Variants in DOCK9 observed in about 807,000 individuals in gnomAD.
DOCK9 encodes dedicator of cytokinesis protein 9.
Under a neutral mutation model 263.3 loss-of-function variants are expected in DOCK9, and 89 were observed. The observed-to-expected ratio is 0.34, with a 90% confidence interval of 0.28 to 0.40. The LOEUF (loss-of-function observed/expected upper bound fraction) is 0.40, where lower values mean the gene tolerates loss of function less well. Ranked by LOEUF, DOCK9 falls within the 10% of genes least tolerant of loss-of-function variation. DOCK9 has a pLI of 1.00. For synonymous variants in DOCK9, 976 were observed against 973.1 expected (o/e 1.00, Z -0.06); for missense variants, 2,140 against 2,603.4 (o/e 0.82, Z 3.87).
At position 98,966,603 on chromosome 13, in the gene DOCK9, A is replaced by C. The variant is rs188945955; in HGVS notation, c.127-11052T>G. Among the ~76,000 whole-genome samples the C allele has an allele frequency of 2.2e-3, 334 of 152,380 alleles. 1 individual carries two copies. The highest frequency in any genetic ancestry group is 7.5e-3 in the African/African-American group (314 of 41,596). On this transcript the variant is annotated intron_variant, in intron 1 of 52. Coordinates refer to ENST00000682017, the MANE Select transcript of DOCK9 (RefSeq NM_001366683.2). ...TTTGGAACTCTGAAATGAAGAGGGC[A>C]AGTAATGAAGCTAAAAGGCTCTAAA...
At position 98,794,199 on chromosome 13, in the gene DOCK9, C is replaced by T. The variant is rs1346657171; in HGVS notation, c.*427G>A. 2 of 158,620 alleles carry T rather than the reference C, an allele frequency of 1.3e-5. No homozygotes were observed. The highest frequency in any genetic ancestry group is 2.8e-5 in the Non-Finnish European group (2 of 72,542). 9.8% of individuals were successfully genotyped at this position (158,620 alleles called of 1,614,324 possible). ...TCTTGTATTCAACCTGAATGTGCCA[C>T]AGGAAAAAAAAAATATTTTCAAGAT... On this transcript the variant is annotated 3_prime_UTR_variant, in exon 53 of 53. Coordinates refer to ENST00000682017, the MANE Select transcript of DOCK9 (RefSeq NM_001366683.2).
Position 98,837,479 on chromosome 13 carries a change from C to G in DOCK9, c.4314+15G>C, listed in dbSNP as rs1193802637. The G allele has an allele frequency of 6.3e-7, 1 of 1,582,510 alleles. No homozygotes were observed. The highest frequency in any genetic ancestry group is 8.7e-7 in the Non-Finnish European group (1 of 1,152,402). On this transcript the variant is annotated intron_variant, in intron 39 of 52. Transcript: ENST00000682017. ...AAGGTAAAACTAGAACCACGAACAGCAAATTGATACAAACCTTAAACGCCA... is the reference window on the plus strand; with the variant it reads ...AAGGTAAAACTAGAACCACGAACAGGAAATTGATACAAACCTTAAACGCCA...
intron 33 of DOCK9, chr13:98,858,872 AG>A (rs1161895634): frequency 6.6e-6 from 1 of 152,196 alleles, no homozygotes; most frequent in Non-Finnish European, 1.5e-5. Flanking sequence ...ATTGGAGAAG[AG>A]TCAAAAGAGT....
chr13:98,990,852 A>G (rs756379440), intron 1 of DOCK9, among the ~76,000 whole-genome samples: 1 of 152,226 alleles, frequency 6.6e-6, no homozygotes, highest in African/African-American at 2.4e-5. Flanking sequence ...CTCTCACTAA[A>G]GTAGTCAAAA....
At chr13:98,957,282 C>A (rs1191042090) in intron 1 of DOCK9, among the ~76,000 whole-genome samples, 9 of 152,210 alleles carry the variant, frequency 5.9e-5, no homozygotes, top group Admixed American at 5.9e-4. Flanking sequence ...CTACTGTGTT[C>A]AGCTGCTGAG....
At chr13:98,879,050 G>A (rs2044315537) in intron 27 of DOCK9, among the ~76,000 whole-genome samples, 1 of 152,160 alleles carries the variant, frequency 6.6e-6, no homozygotes, top group Admixed American at 6.5e-5. Flanking sequence ...CTACTTCACT[G>A]TCACAAGGAC....
At chr13:98,890,497 G>A (rs181442291) in intron 15 of DOCK9, among the ~76,000 whole-genome samples, 60 of 152,318 alleles carry the variant, frequency 3.9e-4, no homozygotes, top group African/African-American at 1.3e-3. Flanking sequence ...CAGTTAGGAT[G>A]ACTAGTTCAA....
chr13:99,032,315 A>G (rs1384983318), intron 1 of DOCK9, among the ~76,000 whole-genome samples: 1 of 152,042 alleles, frequency 6.6e-6, no homozygotes, highest in Non-Finnish European at 1.5e-5. Context: ...TACTAAAAAT[A>G]CAAAAAAAAA....
intron 8 of DOCK9, 128 bp downstream of exon 8, chr13:98,915,201 T>C (rs1362251269): frequency 1.9e-5 from 16 of 829,438 alleles, no homozygotes; most frequent in Non-Finnish European, 2.9e-5. Context: ...AGGATATTTG[T>C]AAAGAGCTCC....
chr13:98,999,316 A>ACACACACACACACACACACACACT, intron 1 of DOCK9, among the ~76,000 whole-genome samples: 3 of 138,292 alleles, frequency 2.2e-5, no homozygotes, highest in Non-Finnish European at 3.1e-5. Context: ...ACACACACAC[A>ACACACACACACACACACACACACT]CTCTCTCTCT....
chr13:98,820,024 G>A (rs1257218043), intron 45 of DOCK9, among the ~76,000 whole-genome samples: 6 of 152,186 alleles, frequency 3.9e-5, no homozygotes, highest in African/African-American at 9.6e-5. Context: ...GTCAGTTCTC[G>A]TCATCTGAGG....
chr13:98,915,552 G>A (rs1229123660), intron 7 of DOCK9, 49 bp from the exon 8 acceptor site: 3 of 1,513,882 alleles, frequency 2.0e-6, no homozygotes, highest in African/African-American at 2.8e-5. Flanking sequence ...AATTAGAACT[G>A]CTTTAAAATA....
At chr13:98,879,493 C>G (rs1403637390) in intron 27 of DOCK9, among the ~76,000 whole-genome samples, 1 of 152,192 alleles carries the variant, frequency 6.6e-6, no homozygotes, top group African/African-American at 2.4e-5. Context: ...GGTAATGACA[C>G]TTAGAATTTA....
At chr13:99,035,088 T>C (rs909253713) in intron 1 of DOCK9, among the ~76,000 whole-genome samples, 2 of 152,192 alleles carry the variant, frequency 1.3e-5, no homozygotes, top group Non-Finnish European at 2.9e-5. Flanking sequence ...AGCTTCCCAT[T>C]TGGTATGTCA....
At chr13:98,987,269 A>G (rs189944903) in intron 1 of DOCK9, among the ~76,000 whole-genome samples, 5 of 152,362 alleles carry the variant, frequency 3.3e-5, no homozygotes, top group African/African-American at 1.2e-4. Flanking sequence ...CCATAAATAT[A>G]TACAATTATT....
chr13:98,815,028 G>A (rs926697223), intron 45 of DOCK9, among the ~76,000 whole-genome samples: 1 of 151,916 alleles, frequency 6.6e-6, no homozygotes, highest in Non-Finnish European at 1.5e-5. Flanking sequence ...TATAATCTAT[G>A]TAATCCCACA....
intron 1 of DOCK9, among the ~76,000 whole-genome samples, chr13:99,038,298 T>C (rs1566338508): frequency 1.1e-4 from 13 of 118,400 alleles, no homozygotes; most frequent in African/African-American, 3.4e-4. Flanking sequence ...CTTTTTTTTT[T>C]TTTTTTTTTT....
At chr13:99,047,088 C>A (rs950760730) in intron 1 of DOCK9, among the ~76,000 whole-genome samples, 6 of 151,998 alleles carry the variant, frequency 3.9e-5, no homozygotes, top group African/African-American at 1.4e-4. Context: ...CTATGTTGGA[C>A]TATTCATGGG....
intron 1 of DOCK9, among the ~76,000 whole-genome samples, chr13:98,991,693 T>C (rs908065684): frequency 6.6e-6 from 1 of 150,758 alleles, no homozygotes; most frequent in Non-Finnish European, 1.5e-5. Context: ...ATTACATATA[T>C]ACATATATAA....
Sources: allele counts gnomAD v4.1 joint callset (sites outside exome capture counted in the v4.1 genomes callset), GRCh38; gene constraint gnomAD v4.1.1; transcripts MANE v1.5; gene names NCBI Gene and HGNC (gene_info 2026-07-23, HGNC 2026-07-21).